INPP5A: variants seen among roughly 807,000 people sequenced by gnomAD.
The protein encoded by INPP5A is 43 kDa inositol polyphosphate 5-phophatase.
A neutral mutation model predicts 65.2 loss-of-function variants in INPP5A; 14 were observed. The observed-to-expected ratio is 0.21, with a 90% CI of 0.14 to 0.34. The LOEUF is 0.34. Ranked by LOEUF, INPP5A falls within the 10% of genes least tolerant of loss-of-function variation. The pLI is 1.00. For synonymous variants in INPP5A, 207 were observed against 208.3 expected, an observed-to-expected ratio of 0.99 and a Z score of 0.05; for missense variants, 431 against 545.6, an observed-to-expected ratio of 0.79 and a Z score of 2.09.
intron 2 of INPP5A, among the ~76,000 whole-genome samples, chr10:132,632,807 GCT>G (rs764886846): frequency 2.6e-5 from 4 of 152,300 alleles, no homozygotes; most frequent in Admixed American, 1.3e-4. Flanking sequence ...TGACTATTTA[GCT>G]CTGTGTCTGG....
At chr10:132,724,013 G>A (rs1182936487) in intron 8 of INPP5A, among the ~76,000 whole-genome samples, 1 of 152,140 alleles carries the variant, frequency 6.6e-6, no homozygotes, top group Admixed American at 6.5e-5. Context: ...CAATTAAAAA[G>A]GTAAACAAGA....
chr10:132,753,546 C>T lies in INPP5A; in HGVS notation c.903+3701C>T, dbSNP rs910641629. 2.6e-5 allele frequency among the ~76,000 whole-genome samples: 4 copies of T among 152,132 alleles called. No homozygotes were observed. The highest frequency in any genetic ancestry group is 2.1e-4 in the South Asian group (1 of 4,828). On this transcript the variant is annotated intron_variant, in intron 11 of 15. Coordinates refer to ENST00000368594, the MANE Select transcript of INPP5A (RefSeq NM_005539.5). The surrounding 1 kb of genome is among the most constrained non-coding windows in gnomAD (Gnocchi z 5.3). ...TCTATGATTTATAGCTTTGTTTAGT[C>T]GATATTCCCATCGAAATTGTATAAT...
intron 8 of INPP5A, among the ~76,000 whole-genome samples, chr10:132,725,216 A>G (rs1332666378): frequency 6.6e-6 from 1 of 152,264 alleles, no homozygotes; most frequent in African/African-American, 2.4e-5. Flanking sequence ...GCAAGTTAAG[A>G]TGGAAATGAA....
At chr10:132,615,840 G>A (rs2072024152) in intron 2 of INPP5A, among the ~76,000 whole-genome samples, 1 of 152,118 alleles carries the variant, frequency 6.6e-6, no homozygotes, top group Admixed American at 6.5e-5. Flanking sequence ...CTGAGGGGCT[G>A]GGAGGCCCCA....
At chr10:132,544,406 C>T (rs1409627715) in intron 1 of INPP5A, among the ~76,000 whole-genome samples, 2 of 151,916 alleles carry the variant, frequency 1.3e-5, no homozygotes, top group African/African-American at 2.4e-5. Flanking sequence ...TGCCCCGGTG[C>T]GGCAATGGGC....
intron 4 of INPP5A, among the ~76,000 whole-genome samples, chr10:132,664,133 C>G (rs1299156908): frequency 6.6e-6 from 1 of 152,218 alleles, no homozygotes; most frequent in African/African-American, 2.4e-5. Flanking sequence ...GCTTGTTGTT[C>G]TGTTCATTTG....
intron 1 of INPP5A, among the ~76,000 whole-genome samples, chr10:132,565,576 T>C (rs2071262192): frequency 6.6e-6 from 1 of 152,226 alleles, no homozygotes; most frequent in African/African-American, 2.4e-5. Context: ...CGTATGTCTG[T>C]ATGCATGTGC....
In INPP5A at chr10:132,698,847, G is replaced by A. The variant is rs1401654091; in HGVS notation, c.474+928G>A. Among the ~76,000 whole-genome samples the A allele has an allele frequency of 2.6e-5, 4 of 152,222 alleles. No homozygotes were observed. Among genetic ancestry groups the A allele is most frequent in the Admixed American group, 6.5e-5 (1 of 15,286 alleles). Reference sequence around the variant, plus strand: ...GAGCTGTGCAGGCTGAGGCTGCTACGGAGCTGACTTCCAGCAAGGCCACAA... The same window carrying A: ...GAGCTGTGCAGGCTGAGGCTGCTACAGAGCTGACTTCCAGCAAGGCCACAA... On this transcript the variant is annotated intron_variant, in intron 6 of 15. Transcript: ENST00000368594. This position sits in a 1 kb window ranked among gnomAD's most constrained non-coding sequence, Gnocchi z 5.5.
chr10:132,719,472 G>T (rs1336408580), intron 8 of INPP5A, among the ~76,000 whole-genome samples: 1 of 142,932 alleles, frequency 7.0e-6, no homozygotes, highest in African/African-American at 2.8e-5. Context: ...ACCTTAGACG[G>T]CTGTCTTGCG....
At chr10:132,732,724 G>A (rs563347827) in intron 9 of INPP5A, among the ~76,000 whole-genome samples, 1 of 152,162 alleles carries the variant, frequency 6.6e-6, no homozygotes, top group East Asian at 1.9e-4. Context: ...GTATCCCCAG[G>A]GTCACCTGCG....
chr10:132,778,625 A>T (rs1847104339), intron 13 of INPP5A, among the ~76,000 whole-genome samples: 1 of 152,320 alleles, frequency 6.6e-6, no homozygotes, highest in East Asian at 1.9e-4. Context: ...CAACACCCAG[A>T]GCCGGGGCCT....
rs1017164740 is a variant in INPP5A at position 132,541,690 on chromosome 10, C to G, written c.75+3519C>G. On this transcript the variant is annotated intron_variant, in intron 1 of 15. Transcript: ENST00000368594. ...TCACAGGCACCCCCTCAGGTGTTGG[C>G]CGTTCTTCCCTAGGAGACAGTGAGA... is the stretch of plus-strand genomic sequence containing the variant. Among the ~76,000 whole-genome samples, 2 of 152,208 alleles carry G rather than the reference C, an allele frequency of 1.3e-5. 1 individual carries two copies. The highest frequency in any genetic ancestry group is 4.8e-5 in the African/African-American group (2 of 41,434).
In INPP5A at chr10:132,753,338, G is replaced by A. The variant is rs919401027; in HGVS notation, c.903+3493G>A. Among the ~76,000 whole-genome samples the A allele has an allele frequency of 6.6e-6, 1 of 152,186 alleles. No homozygotes were observed. Among genetic ancestry groups the A allele is most frequent in the Admixed American group, 6.5e-5 (1 of 15,284 alleles). On this transcript the variant is annotated intron_variant, in intron 11 of 15. Transcript: ENST00000368594. The surrounding 1 kb of genome is among the most constrained non-coding windows in gnomAD (Gnocchi z 5.3). ...GCCATGGAGAGCAAACTCTCCGTCC[G>A]CAGGATGGATGTGCCTGCGCCGGTC... is the stretch of plus-strand genomic sequence containing the variant.
chr10:132,605,003 G>A (rs1402956017), intron 1 of INPP5A, among the ~76,000 whole-genome samples: 1 of 152,088 alleles, frequency 6.6e-6, no homozygotes, highest in Non-Finnish European at 1.5e-5. Context: ...GAGAGAGCAG[G>A]AGGGCCCTGG....
chr10:132,749,371 CCT>C, intron 9 of INPP5A, 144 bp from the exon 10 acceptor site: 1 of 682,712 alleles, frequency 1.5e-6, no homozygotes, highest in Non-Finnish European at 2.5e-6. Context: ...GGGAGTGGCC[CCT>C]GACCCCAGGT....
chr10:132,699,079 T>C (rs559145387), intron 6 of INPP5A, among the ~76,000 whole-genome samples: 1 of 152,320 alleles, frequency 6.6e-6, no homozygotes, highest in South Asian at 2.1e-4. Context: ...GTCCAGCAGT[T>C]GGAAAGGACA....
At position 132,721,847 on chromosome 10, in the gene INPP5A, C is replaced by T. The variant is rs201210688; in HGVS notation, c.648-4974C>T. On this transcript the variant is annotated intron_variant, in intron 8 of 15. Coordinates refer to ENST00000368594, the MANE Select transcript of INPP5A (RefSeq NM_005539.5). ...GCGCCTTAGATGGCTGTCTTGCCTG[C>T]GTCTGTGGTGCTGGGAGATTCACCC... 2.6e-5 allele frequency among the ~76,000 whole-genome samples: 4 copies of T among 152,064 alleles called. No homozygotes were observed. In the East Asian group the frequency reaches 7.7e-4, roughly 29 times the overall value.
chr10:132,757,375 G>A (rs1846642863), intron 11 of INPP5A, among the ~76,000 whole-genome samples: 1 of 152,234 alleles, frequency 6.6e-6, no homozygotes, highest in East Asian at 1.9e-4. Flanking sequence ...TTTAGACCTT[G>A]TTTTTACTGT....
chr10:132,577,760 G>A (rs1015351383), intron 1 of INPP5A, among the ~76,000 whole-genome samples: 2 of 152,216 alleles, frequency 1.3e-5, no homozygotes, highest in African/African-American at 4.8e-5. Flanking sequence ...TGTGGGCAGC[G>A]GTGGTTCGTG....
Sources: allele counts gnomAD v4.1 joint callset (sites outside exome capture counted in the v4.1 genomes callset), GRCh38; gene constraint gnomAD v4.1.1; non-coding constraint Gnocchi (gnomAD v3.1); transcripts MANE v1.5; gene names NCBI Gene and HGNC (gene_info 2026-07-23, HGNC 2026-07-21).